The following XKR4 variants were observed in gnomAD, a reference collection of about 807,000 sequenced individuals.
The protein encoded by XKR4 is XK related 4.
Under a neutral mutation model 53.9 loss-of-function variants are expected in XKR4, and 12 were observed. The ratio of observed to expected loss-of-function variants is 0.22; its 90% CI spans 0.14 to 0.36. The LOEUF is 0.36. Among genes scored for constraint, XKR4 ranks in the 10% least tolerant of loss-of-function variants. XKR4 has a pLI of 1.00. For missense variants in XKR4, 799 were observed against 859.5 expected (o/e 0.93, Z 0.88); for synonymous variants, 354 against 362.4 (o/e 0.98, Z 0.26).
chr8:55,219,454 G>C (rs889973087), intron 1 of XKR4, among the ~76,000 whole-genome samples: 6 of 152,146 alleles, frequency 3.9e-5, no homozygotes, highest in Admixed American at 1.3e-4. Flanking sequence ...GAAGTGAGTC[G>C]TACTGGTTTT....
At chr8:55,278,283 G>A (rs1161209356) in intron 1 of XKR4, among the ~76,000 whole-genome samples, 2 of 148,328 alleles carry the variant, frequency 1.3e-5, no homozygotes, top group African/African-American at 5.0e-5. Flanking sequence ...GTTGCAGTGA[G>A]CCAAGATCCT....
chr8:55,243,648 A>G (rs776423731), intron 1 of XKR4, among the ~76,000 whole-genome samples: 1 of 152,208 alleles, frequency 6.6e-6, no homozygotes, highest in Non-Finnish European at 1.5e-5. Context: ...CTACCAAACT[A>G]TCTTCCAAAG....
rs951522105 is a variant in XKR4, at chr8:55,465,744, A to G, written c.1007-57537A>G. Among the ~76,000 whole-genome samples the G allele has an allele frequency of 1.9e-4, 29 of 152,174 alleles. 2 individuals are homozygous for G. The highest frequency in any genetic ancestry group is 7.0e-4 in the African/African-American group (29 of 41,444). On this transcript the variant is annotated intron_variant, in intron 2 of 2. Transcript: ENST00000327381. ...ATTTTTGCAACCTACTCATCTGACA[A>G]AGGGCTAATATCCAGAATCTACAAT...
chr8:55,474,812 T>C (rs1805948938), intron 2 of XKR4, among the ~76,000 whole-genome samples: 1 of 152,164 alleles, frequency 6.6e-6, no homozygotes, highest in Non-Finnish European at 1.5e-5. Flanking sequence ...TCTCATTAGG[T>C]AATCTATATC....
intron 2 of XKR4, among the ~76,000 whole-genome samples, chr8:55,514,699 T>C (rs1345275173): frequency 4.6e-5 from 7 of 152,154 alleles, no homozygotes; most frequent in Admixed American, 1.3e-4. Flanking sequence ...TCATTCAGTG[T>C]CTTTTTTTTT....
chr8:55,257,086 T>C (rs1206978373), intron 1 of XKR4, among the ~76,000 whole-genome samples: 1 of 152,068 alleles, frequency 6.6e-6, no homozygotes. Context: ...CTTAATACCA[T>C]CACATTGCGT....
At position 55,449,733 on chromosome 8, in the gene XKR4, C is replaced by T. The variant is rs1014886602; in HGVS notation, c.1007-73548C>T. The T allele has an allele frequency of 1.2e-5, 11 of 934,394 alleles. No homozygotes were observed. The South Asian group carries it at 1.3e-4, about 11-fold the overall frequency. The allele number at this position is 934,394 out of a possible 1,614,324, so 57.9% of individuals were successfully genotyped here. A position where few individuals can be genotyped will look rare whatever the true frequency, so the allele number is the denominator to read the frequency against. On this transcript the variant is annotated intron_variant, in intron 2 of 2. Transcript: ENST00000327381. ...TTGCACTCAGTGTCCACACGGTGGT[C>T]GTAGTAGCGTAGCTGGTGCTTGGTC...
At chr8:55,407,294 G>C (rs889349997) in intron 2 of XKR4, among the ~76,000 whole-genome samples, 4 of 152,236 alleles carry the variant, frequency 2.6e-5, no homozygotes, top group Non-Finnish European at 4.4e-5. Context: ...TGTCGGGTGT[G>C]AAGCGGGGCT....
chr8:55,458,965 C>A (rs561076206), intron 2 of XKR4, among the ~76,000 whole-genome samples: 1 of 152,286 alleles, frequency 6.6e-6, no homozygotes, highest in East Asian at 1.9e-4. Context: ...TCACCAGCGA[C>A]CCCACCCTTT....
rs1336150279 is a variant in XKR4, at chr8:55,454,890, T to A, written c.1007-68391T>A. ...ATCCTTAGCGCGTGTCGTTTCCTGCTCCCAGAAGGTCAAGCAGCACAGTAG... is the reference window on the plus strand; with the variant it reads ...ATCCTTAGCGCGTGTCGTTTCCTGCACCCAGAAGGTCAAGCAGCACAGTAG... On this transcript the variant is annotated intron_variant, in intron 2 of 2. Coordinates refer to ENST00000327381, the MANE Select transcript of XKR4 (RefSeq NM_052898.2). The A allele has an allele frequency of 3.0e-5, 23 of 765,162 alleles. 1 individual carries two copies. In the East Asian group the frequency reaches 5.4e-4, roughly 18 times the overall value. The allele number at this position is 765,162 out of a possible 1,614,324, so 47.4% of individuals were successfully genotyped here. A position where few individuals can be genotyped will look rare whatever the true frequency, so the allele number is the denominator to read the frequency against.
chr8:55,212,687 C>T (rs1300930836), intron 1 of XKR4, among the ~76,000 whole-genome samples: 1 of 152,096 alleles, frequency 6.6e-6, no homozygotes, highest in Non-Finnish European at 1.5e-5. Context: ...TTGTTTTGTC[C>T]TTAAAAATTC....
chr8:55,405,228 C>T (rs1308445127), intron 2 of XKR4, among the ~76,000 whole-genome samples: 2 of 152,256 alleles, frequency 1.3e-5, no homozygotes, highest in African/African-American at 4.8e-5. Context: ...GAATTGGACA[C>T]ATGTAGCGAA....
chr8:55,468,759 A>T (rs943684742), intron 2 of XKR4, among the ~76,000 whole-genome samples: 3 of 152,162 alleles, frequency 2.0e-5, no homozygotes, highest in East Asian at 3.8e-4. Context: ...CTGATCTCTA[A>T]GGTCCAGTGA....
chr8:55,413,494 G>C (rs1272950872), intron 2 of XKR4, among the ~76,000 whole-genome samples: 2 of 152,210 alleles, frequency 1.3e-5, no homozygotes, highest in Non-Finnish European at 2.9e-5. Context: ...CCAAAGTGCT[G>C]AGATTACAGG....
At chr8:55,403,158 G>C (rs7829103) in intron 2 of XKR4, among the ~76,000 whole-genome samples, 4,120 of 152,220 alleles carry the variant, frequency 0.027, 166 homozygotes, top group African/African-American at 0.093. Context: ...AACTTTATCA[G>C]TAATTAAACT....
At chr8:55,472,517 C>G (rs1372979855) in intron 2 of XKR4, among the ~76,000 whole-genome samples, 2 of 152,196 alleles carry the variant, frequency 1.3e-5, no homozygotes, top group Admixed American at 6.5e-5. Context: ...GAGACCAGGT[C>G]TAAGGGCTGA....
intron 2 of XKR4, among the ~76,000 whole-genome samples, chr8:55,384,786 C>G (rs1804286596): frequency 6.6e-6 from 1 of 152,242 alleles, no homozygotes; most frequent in African/African-American, 2.4e-5. Context: ...CCTCTAAAAG[C>G]ATCCATCAGT....
At chr8:55,280,219 T>C (rs6996766) in intron 1 of XKR4, among the ~76,000 whole-genome samples, 54,660 of 152,050 alleles carry the variant, frequency 0.36, 12,027 homozygotes, top group Non-Finnish European at 0.49. Context: ...TGAGCCAAAT[T>C]GTTTTTATGT....
At chr8:55,372,130 G>C (rs1804077222) in intron 2 of XKR4, among the ~76,000 whole-genome samples, 1 of 152,198 alleles carries the variant, frequency 6.6e-6, no homozygotes, top group Admixed American at 6.5e-5. Context: ...GAGAGCTGGA[G>C]GAAAGATCTA....
Sources: gnomAD v4.1 joint callset for allele counts (sites outside exome capture counted in the v4.1 genomes callset) on GRCh38, gnomAD v4.1.1 for gene constraint, MANE v1.5 for transcripts, NCBI Gene and HGNC (gene_info 2026-07-23, HGNC 2026-07-21) for gene names.